Variants in USP32 observed in about 807,000 individuals in gnomAD.
USP32 encodes the protein ubiquitin carboxyl-terminal hydrolase 32.
In USP32, 59 loss-of-function variants were observed where a neutral mutation model predicts 204.8. The observed-to-expected ratio is 0.29, with a 90% CI of 0.23 to 0.36. The LOEUF (loss-of-function observed/expected upper bound fraction) is 0.36, where lower values mean the gene tolerates loss of function less well. USP32 is among the 10% of genes least tolerant of loss of function. The pLI, the probability that USP32 is intolerant of heterozygous loss-of-function variation, is 1.00. For synonymous variants in USP32, 517 were observed against 678.4 expected (o/e 0.76, Z 3.70); for missense variants, 1,160 against 1,946.4 (o/e 0.60, Z 7.60).
At position 60,223,454 on chromosome 17, in the gene USP32, C is replaced by T. The variant is rs563874712; in HGVS notation, c.1565G>A (p.Gly522Glu). The change falls in exon 14 of 34, where the codon GGG becomes GAG. Residue 522 changes from glycine (G) to glutamate (E), a missense_variant. Gly to Glu is a moderately conservative substitution (Grantham distance 98). Transcript: ENST00000300896. ...TACTAATGGCTGATTATCAATAGCC[C>T]CTGGTTTCTGAGGGTTAAGGTGCAA... The part of the protein sequence containing the change: ...ILLHLNPQKP[G>E]AIDNQPLVTQ... 6.2e-6 allele frequency: 10 copies of T among 1,612,688 alleles called. No homozygotes were observed. In the Admixed American group the frequency reaches 1.3e-4, roughly 22 times the overall value.
chr17:60,200,722 A>C (rs2084656001), intron 26 of USP32, among the ~76,000 whole-genome samples: 1 of 152,268 alleles, frequency 6.6e-6, no homozygotes, highest in Admixed American at 6.5e-5. Flanking sequence ...CTATTATTCT[A>C]AATGTTACAG....
intron 12 of USP32, among the ~76,000 whole-genome samples, chr17:60,233,661 G>A (rs1444942703): frequency 6.6e-6 from 1 of 152,086 alleles, no homozygotes. Flanking sequence ...GCAGTTATTT[G>A]CATTTACTTT....
chr17:60,273,063 C>G (rs1352917486), intron 5 of USP32, among the ~76,000 whole-genome samples: 1 of 152,148 alleles, frequency 6.6e-6, no homozygotes, highest in African/African-American at 2.4e-5. Flanking sequence ...CTGCCACCCA[C>G]CTGGGTTCAA....
chr17:60,250,902 C>T (rs1195372637), intron 11 of USP32, among the ~76,000 whole-genome samples: 1 of 150,778 alleles, frequency 6.6e-6, no homozygotes, highest in Non-Finnish European at 1.5e-5. Context: ...AAGAAATAAC[C>T]ATGCTGTTTT....
intron 2 of USP32, among the ~76,000 whole-genome samples, chr17:60,309,783 T>C (rs559707623): frequency 3.3e-5 from 5 of 151,934 alleles, no homozygotes; most frequent in Admixed American, 1.3e-4. Context: ...CAGTGGCACA[T>C]ACCTGTAATC....
intron 26 of USP32, among the ~76,000 whole-genome samples, chr17:60,202,994 G>A (rs1432223737): frequency 6.7e-6 from 1 of 150,204 alleles, no homozygotes; most frequent in Non-Finnish European, 1.5e-5. Flanking sequence ...GCCAAAGAAT[G>A]CCTGGAGCCA....
rs752794702 is a variant in USP32 at position 60,219,688 on chromosome 17, T to C, written c.1849A>G (p.Asn617Asp). The change falls in exon 16 of 34, where the codon AAC becomes GAC. Residue 617 changes from asparagine to aspartate, a missense_variant. Physicochemically the swap from Asn to Asp is conservative, Grantham distance 23. Transcript: ENST00000300896. Reference sequence around the variant, plus strand: ...ATCATACCCATATTCACCCAGATGTTAGACTGCTGTGTCCGAGTGGCAGGC... The same window carrying C: ...ATCATACCCATATTCACCCAGATGTCAGACTGCTGTGTCCGAGTGGCAGGC... ...QQPATRTQQS[N>D]IWVNMGNVPS... 1.2e-6 allele frequency: 2 copies of C among 1,612,368 alleles called. No homozygotes were observed. The highest frequency in any genetic ancestry group is 2.2e-5 in the South Asian group (2 of 91,006).
chr17:60,307,290 G>A (rs2145908224), intron 2 of USP32, among the ~76,000 whole-genome samples: 2 of 151,976 alleles, frequency 1.3e-5, no homozygotes, highest in South Asian at 4.2e-4. Flanking sequence ...TAGTAGAGAT[G>A]GGGTTTCACT....
intron 5 of USP32, among the ~76,000 whole-genome samples, chr17:60,272,965 T>A (rs560311277): frequency 6.6e-6 from 1 of 152,040 alleles, no homozygotes; most frequent in South Asian, 2.1e-4. Flanking sequence ...GCCGGGAAAT[T>A]TGTTTTGTTT....
At chr17:60,190,462 G>A (rs1818311157) in intron 29 of USP32, 101 bp downstream of exon 29, 2 of 1,420,572 alleles carry the variant, frequency 1.4e-6, no homozygotes, top group African/African-American at 1.5e-5. Flanking sequence ...AGGTTTTTCT[G>A]GTTGTTTTTA....
chr17:60,280,269 G>T (rs1015035653), intron 5 of USP32, among the ~76,000 whole-genome samples: 13 of 151,992 alleles, frequency 8.6e-5, no homozygotes, highest in African/African-American at 3.1e-4. Context: ...GCTAACTTTT[G>T]TATTTTTAGT....
chr17:60,195,141 C>T (rs2084479321), intron 27 of USP32, among the ~76,000 whole-genome samples: 1 of 152,188 alleles, frequency 6.6e-6, no homozygotes, highest in Non-Finnish European at 1.5e-5. Flanking sequence ...GTCCGAAGGA[C>T]ATAACCCACT....
At position 60,281,431 on chromosome 17, in the gene USP32, G is replaced by A. The variant is rs889122794; in HGVS notation, c.571+7092C>T. Among the ~76,000 whole-genome samples, 5 of 152,108 alleles carry A rather than the reference G, an allele frequency of 3.3e-5. No individual in the cohort carries two copies. In the South Asian group the frequency reaches 8.3e-4, roughly 25 times the overall value. ...CAGGCGCCTGTAATCCCAGCTACTC[G>A]GGAGGCTGAGGCAGGAGAATTGCTG... On this transcript the variant is annotated intron_variant, in intron 5 of 33. Transcript: ENST00000300896.
At chr17:60,187,100 A>G (rs1293085826) in intron 29 of USP32, among the ~76,000 whole-genome samples, 1 of 152,170 alleles carries the variant, frequency 6.6e-6, no homozygotes, top group African/African-American at 2.4e-5. Context: ...TCCCTTCCTG[A>G]AACTCATGAT....
At chr17:60,413,927 T>C (rs1300640714) in intron 1 of USP32, among the ~76,000 whole-genome samples, 1 of 150,736 alleles carries the variant, frequency 6.6e-6, no homozygotes, top group Non-Finnish European at 1.5e-5. Flanking sequence ...AGTGTGACCT[T>C]CTCCAGGCTC....
At chr17:60,367,477 C>G (rs976119818) in intron 1 of USP32, among the ~76,000 whole-genome samples, 3 of 152,132 alleles carry the variant, frequency 2.0e-5, no homozygotes, top group African/African-American at 7.2e-5. Context: ...CCACTGCACT[C>G]TAGCTGGGCA....
chr17:60,228,887 C>CAAACTCT (rs1401097613), intron 12 of USP32, among the ~76,000 whole-genome samples: 2 of 151,178 alleles, frequency 1.3e-5, no homozygotes, highest in African/African-American at 4.9e-5. Flanking sequence ...AGGCTGGTCT[C>CAAACTCT]AAACTCTAGC....
intron 3 of USP32, among the ~76,000 whole-genome samples, chr17:60,297,086 G>C (rs781515726): frequency 2.0e-5 from 3 of 152,162 alleles, no homozygotes; most frequent in Non-Finnish European, 4.4e-5. Flanking sequence ...AAGGCATTAA[G>C]TCATGTACCC....
intron 3 of USP32, chr17:60,301,313 C>G (rs901413370): frequency 2.9e-5 from 6 of 207,082 alleles, no homozygotes; most frequent in Non-Finnish European, 5.8e-5. Flanking sequence ...ATACTCCCAT[C>G]AGCAATGTAT....
Sources: gnomAD v4.1 joint callset for allele counts (sites outside exome capture counted in the v4.1 genomes callset) on GRCh38, gnomAD v4.1.1 for gene constraint, MANE v1.5 for transcripts, NCBI Gene and HGNC (gene_info 2026-07-23, HGNC 2026-07-21) for gene names.